PTGR1: variants seen among roughly 807,000 people sequenced by gnomAD.
PTGR1 encodes 15-oxoprostaglandin 13-reductase.
Under a neutral mutation model 37.7 loss-of-function variants are expected in PTGR1, and 23 were observed. That is an observed-to-expected ratio of 0.61 (90% confidence interval 0.44 to 0.86). The LOEUF (loss-of-function observed/expected upper bound fraction) is 0.86. PTGR1 is among the 40% of genes least tolerant of loss of function. The pLI, the probability that PTGR1 is intolerant of heterozygous loss-of-function variation, is 0.00. For missense variants in PTGR1, 351 were observed against 394.3 expected (o/e 0.89, Z 0.93); for synonymous variants, 134 against 140.0 (o/e 0.96, Z 0.30).
chr9:111,560,668 G>A (rs1368142566), downstream of PTGR1, among the ~76,000 whole-genome samples: 8 of 135,074 alleles, frequency 5.9e-5, no homozygotes, highest in Non-Finnish European at 9.3e-5. Flanking sequence ...AAGGCACCAC[G>A]CACGGTGGTT....
intron 8 of PTGR1, among the ~76,000 whole-genome samples, chr9:111,572,332 T>C (rs1186360534): frequency 1.3e-5 from 2 of 152,142 alleles, no homozygotes; most frequent in African/African-American, 4.8e-5. Context: ...TGGTGGCTCA[T>C]GCCTGTAATC....
chr9:111,565,982 C>G (rs144199697), intron 9 of PTGR1, among the ~76,000 whole-genome samples: 62 of 152,182 alleles, frequency 4.1e-4, no homozygotes, highest in African/African-American at 1.5e-3. Context: ...GAGGCTGAGG[C>G]AGGAGAATCA....
intron 9 of PTGR1, among the ~76,000 whole-genome samples, chr9:111,557,482 GTC>G (rs1828159413): frequency 6.6e-6 from 1 of 151,616 alleles, no homozygotes; most frequent in African/African-American, 2.4e-5. Context: ...GTCTCGCTCT[GTC>G]TCTCAGGCTG....
chr9:111,573,965 T>G (rs1424230209), intron 8 of PTGR1, among the ~76,000 whole-genome samples: 1 of 152,144 alleles, frequency 6.6e-6, no homozygotes, highest in East Asian at 1.9e-4. Context: ...CCCTTCCCTT[T>G]TAGTGGCAAT....
intron 9 of PTGR1, among the ~76,000 whole-genome samples, chr9:111,565,795 G>A (rs1828536537): frequency 6.6e-6 from 1 of 152,034 alleles, no homozygotes; most frequent in Non-Finnish European, 1.5e-5. Context: ...AAAGTGCTGG[G>A]ATTATAGCTA....
intron 9 of PTGR1, among the ~76,000 whole-genome samples, chr9:111,564,880 T>C (rs1828485185): frequency 6.6e-6 from 1 of 151,716 alleles, no homozygotes; most frequent in South Asian, 2.1e-4. Flanking sequence ...TCCCAGCACT[T>C]TGGGAGGCTG....
At chr9:111,573,341 A>T (rs951465211) in intron 8 of PTGR1, among the ~76,000 whole-genome samples, 14 of 152,156 alleles carry the variant, frequency 9.2e-5, no homozygotes, top group African/African-American at 3.4e-4. Context: ...CTTCTTGGTA[A>T]TGATTTTGAT....
intron 4 of PTGR1, among the ~76,000 whole-genome samples, chr9:111,590,995 T>A (rs1242551466): frequency 1.3e-5 from 2 of 152,144 alleles, no homozygotes; most frequent in Non-Finnish European, 2.9e-5. Context: ...TAATTCCATT[T>A]AAAATTTATA....
In PTGR1 at chr9:111,589,406, A is replaced by T; in HGVS notation, c.210-3241T>A. On this transcript the variant is annotated intron_variant, in intron 4 of 9. Coordinates refer to ENST00000407693, the MANE Select transcript of PTGR1 (RefSeq NM_001146108.2). ...GGCTAGTCATTGAGACACAAAATTTAAAAAAATAAAGAATGAGATGTTTGG... is the reference window on the plus strand; with the variant it reads ...GGCTAGTCATTGAGACACAAAATTTTAAAAAATAAAGAATGAGATGTTTGG... The T allele has an allele frequency of 4.5e-6, 4 of 886,574 alleles. No individual in the cohort carries two copies. In the South Asian group the frequency reaches 1.6e-4, roughly 35 times the overall value. 54.9% of individuals were successfully genotyped at this position (886,574 alleles called of 1,614,324 possible).
chr9:111,556,158 G>A (rs1376616715), intron 9 of PTGR1, among the ~76,000 whole-genome samples: 1 of 152,236 alleles, frequency 6.6e-6, no homozygotes, highest in Non-Finnish European at 1.5e-5. Context: ...AAAACCTGGT[G>A]GGGCAGTCAT....
At chr9:111,587,485 G>A (rs781267766) in intron 4 of PTGR1, among the ~76,000 whole-genome samples, 26 of 151,952 alleles carry the variant, frequency 1.7e-4, no homozygotes, top group Non-Finnish European at 2.8e-4. Flanking sequence ...ACAGAGTCTC[G>A]CTCTGTTGCC....
chr9:111,566,378 C>T (rs1400767109), intron 9 of PTGR1, among the ~76,000 whole-genome samples: 1 of 152,182 alleles, frequency 6.6e-6, no homozygotes, highest in African/African-American at 2.4e-5. Context: ...TCCCTGGTGA[C>T]AGCCCAGCCC....
At chr9:111,586,782 A>ACTCTCTCT (rs35858814) in intron 4 of PTGR1, among the ~76,000 whole-genome samples, 15 of 136,196 alleles carry the variant, frequency 1.1e-4, no homozygotes, top group South Asian at 2.4e-4. Context: ...TTACTTTTCC[A>ACTCTCTCT]CTCTCTCTCT....
chr9:111,574,694 A>G, intron 8 of PTGR1, 40 bp downstream of exon 8: 1 of 1,440,858 alleles, frequency 6.9e-7, no homozygotes, highest in South Asian at 1.2e-5. Flanking sequence ...CTCCTTGTCC[A>G]GCCTTGTGAC....
At chr9:111,570,314 G>T in intron 8 of PTGR1, 105 bp from the exon 9 acceptor site, 1 of 1,460,762 alleles carries the variant, frequency 6.8e-7, no homozygotes, top group South Asian at 1.5e-5. Flanking sequence ...GGAGTTTTTT[G>T]GTGCTTCTCC....
intron 4 of PTGR1, among the ~76,000 whole-genome samples, chr9:111,591,411 G>A (rs1186617777): frequency 4.1e-5 from 5 of 121,838 alleles, no homozygotes; most frequent in Non-Finnish European, 8.0e-5. Flanking sequence ...TCACTCTGTC[G>A]CCCAGGCTGG....
At chr9:111,576,230 A>C in intron 7 of PTGR1, 1 of 852,344 alleles carries the variant, frequency 1.2e-6, no homozygotes, top group Non-Finnish European at 1.8e-6. Flanking sequence ...CTGAATAGGA[A>C]AAAATATTTG....
chr9:111,571,127 T>G lies in PTGR1; in HGVS notation c.761-918A>C, dbSNP rs922295728. On this transcript the variant is annotated intron_variant, in intron 8 of 9. Coordinates refer to ENST00000407693, the MANE Select transcript of PTGR1 (RefSeq NM_001146108.2). The stretch of plus-strand genomic sequence containing the variant: ...ACCTCTAGACCTACAAGAATAAGTG[T>G]GTGGGGTCGGGTGCGTGGCTCATGC... Among the ~76,000 whole-genome samples the G allele has an allele frequency of 4.8e-5, 7 of 146,808 alleles. 2 individuals carry two copies. In the East Asian group the frequency reaches 1.6e-3, roughly 34 times the overall value.
chr9:111,561,967 C>A (rs1441529476), downstream of PTGR1, among the ~76,000 whole-genome samples: 1 of 152,066 alleles, frequency 6.6e-6, no homozygotes, highest in Non-Finnish European at 1.5e-5. Flanking sequence ...CTCACTGCAA[C>A]GTCTGCCTCC....
Sources: allele counts gnomAD v4.1 joint callset (sites outside exome capture counted in the v4.1 genomes callset), GRCh38; gene constraint gnomAD v4.1.1; transcripts MANE v1.5; gene names NCBI Gene and HGNC (gene_info 2026-07-23, HGNC 2026-07-21).